Variants in PDE11A observed in about 807,000 individuals in gnomAD.
PDE11A encodes the protein phosphodiesterase 11A, also known as dual 3',5'-cyclic-AMP and -GMP phosphodiesterase 11A.
A neutral mutation model predicts 100.5 loss-of-function variants in PDE11A; 100 were observed. The observed-to-expected ratio is 1.00, with a 90% CI of 0.85 to 1.18. The LOEUF is 1.18. Among genes scored for constraint, PDE11A ranks in the 50% most tolerant of loss-of-function variants. The probability of loss-of-function intolerance (pLI) is 0.00; values close to 1 mark genes in which losing one functional copy is unlikely to be tolerated. For missense variants in PDE11A, 1,141 were observed against 1,152.6 expected, an observed-to-expected ratio of 0.99 and a Z score of 0.15; for synonymous variants, 381 against 420.8, an observed-to-expected ratio of 0.91 and a Z score of 1.16.
At chr2:177,788,297 G>A (rs6709222) in intron 9 of PDE11A, among the ~76,000 whole-genome samples, 82,917 of 131,666 alleles carry the variant, frequency 0.63, 27,777 homozygotes, top group African/African-American at 0.78. Context: ...TACTGGGTAC[G>A]TAATGAAATG....
chr2:177,883,101 T>C (rs2084370875), intron 4 of PDE11A, among the ~76,000 whole-genome samples: 1 of 151,942 alleles, frequency 6.6e-6, no homozygotes, highest in Non-Finnish European at 1.5e-5. Flanking sequence ...AAACCCCGTC[T>C]CTATTAAAAA....
At chr2:177,928,731 C>A (rs990502302) in intron 2 of PDE11A, among the ~76,000 whole-genome samples, 7 of 151,992 alleles carry the variant, frequency 4.6e-5, no homozygotes, top group Non-Finnish European at 5.9e-5. Context: ...GGGGTGGTGG[C>A]ACATGCCTGT....
intron 3 of PDE11A, among the ~76,000 whole-genome samples, chr2:177,899,084 G>A (rs561162903): frequency 1.3e-5 from 2 of 152,136 alleles, no homozygotes; most frequent in Non-Finnish European, 2.9e-5. Context: ...CTTTTCTGTA[G>A]TGATTTTTCT....
intron 4 of PDE11A, among the ~76,000 whole-genome samples, chr2:177,889,031 A>T (rs1462719948): frequency 6.6e-6 from 1 of 152,172 alleles, no homozygotes; most frequent in Admixed American, 6.5e-5. Context: ...TTCCCCACTC[A>T]TCACCTGCTT....
chr2:178,085,413 C>G (rs1276871648), intron 2 of PDE11A, among the ~76,000 whole-genome samples: 2 of 152,026 alleles, frequency 1.3e-5, no homozygotes, highest in Non-Finnish European at 2.9e-5. Flanking sequence ...GTTTTAAAAA[C>G]TACCTATCAG....
chr2:177,790,142 T>C (rs1481941334), intron 9 of PDE11A, among the ~76,000 whole-genome samples: 1 of 150,602 alleles, frequency 6.6e-6, no homozygotes. Context: ...CAAACTATAC[T>C]ACAAGGCTAC....
chr2:177,942,513 C>T (rs1017425440), intron 2 of PDE11A, among the ~76,000 whole-genome samples: 2 of 151,872 alleles, frequency 1.3e-5, no homozygotes, highest in Non-Finnish European at 2.9e-5. Flanking sequence ...AGTGATTCTC[C>T]TGCCTCAGCC....
chr2:177,785,048 G>A (rs1439656083), intron 9 of PDE11A, among the ~76,000 whole-genome samples: 1 of 152,112 alleles, frequency 6.6e-6, no homozygotes, highest in Non-Finnish European at 1.5e-5. Context: ...TGCCAACAAT[G>A]GGGGGCCAGT....
At chr2:177,821,038 T>C (rs1363160598) in intron 6 of PDE11A, among the ~76,000 whole-genome samples, 1 of 151,954 alleles carries the variant, frequency 6.6e-6, no homozygotes, top group Admixed American at 6.6e-5. Context: ...CAATCTATTG[T>C]TCTAATACAA....
At chr2:177,740,619 G>T (rs758808504) in intron 10 of PDE11A, among the ~76,000 whole-genome samples, 1 of 152,156 alleles carries the variant, frequency 6.6e-6, no homozygotes, top group Non-Finnish European at 1.5e-5. Context: ...AATGAATCTA[G>T]CCCTGCCCTC....
chr2:177,939,058 T>G (rs1031381276), intron 2 of PDE11A, among the ~76,000 whole-genome samples: 2 of 152,210 alleles, frequency 1.3e-5, no homozygotes, highest in African/African-American at 4.8e-5. Context: ...GAAATACATT[T>G]CTGTTGTTTA....
chr2:177,988,080 G>T (rs1249424463), intron 2 of PDE11A, among the ~76,000 whole-genome samples: 2 of 152,170 alleles, frequency 1.3e-5, no homozygotes, highest in African/African-American at 4.8e-5. Context: ...AGTTTTGTGA[G>T]AATCTTCACT....
chr2:177,779,355 C>T (rs1233290731), intron 9 of PDE11A, among the ~76,000 whole-genome samples: 1 of 152,136 alleles, frequency 6.6e-6, no homozygotes, highest in African/African-American at 2.4e-5. Flanking sequence ...TAAAATAAGA[C>T]AATGAGGTTT....
Position 177,877,037 on chromosome 2 carries a change from G to A in PDE11A, c.1303-1114C>T, listed in dbSNP as rs116649792. Among the ~76,000 whole-genome samples, 1,232 of 147,706 alleles carry A rather than the reference G, an allele frequency of 8.3e-3. 154 individuals are homozygous for A. The highest frequency in any genetic ancestry group is 0.031 in the African/African-American group (1,193 of 38,602). On this transcript the variant is annotated intron_variant, in intron 4 of 19. Coordinates refer to ENST00000286063, the MANE Select transcript of PDE11A (RefSeq NM_016953.4). The stretch of plus-strand genomic sequence containing the variant: ...ACGGACGGGGGATGTAGGCAATTTT[G>A]AGGGGTAGAAAAAAATTTCAGAGGA...
At chr2:177,902,997 A>C (rs1328313656) in intron 3 of PDE11A, among the ~76,000 whole-genome samples, 1 of 152,212 alleles carries the variant, frequency 6.6e-6, no homozygotes, top group African/African-American at 2.4e-5. Context: ...AGTCAGACTC[A>C]GCTCAAAATC....
intron 1 of PDE11A, among the ~76,000 whole-genome samples, chr2:178,030,858 T>C (rs1455214249): frequency 6.6e-6 from 1 of 151,984 alleles, no homozygotes; most frequent in Admixed American, 6.6e-5. Context: ...CCAGCCTGGG[T>C]GACAAAAAGA....
At chr2:177,863,967 G>C (rs1206724256) in intron 5 of PDE11A, among the ~76,000 whole-genome samples, 1 of 152,028 alleles carries the variant, frequency 6.6e-6, no homozygotes, top group East Asian at 1.9e-4. Context: ...AAGGGATAAA[G>C]ATATTGAATA....
chr2:178,009,409 T>A (rs2086249313), intron 2 of PDE11A, among the ~76,000 whole-genome samples: 1 of 152,244 alleles, frequency 6.6e-6, no homozygotes, highest in Non-Finnish European at 1.5e-5. Flanking sequence ...TAGTAATTTG[T>A]CAGTATGGAA....
intron 19 of PDE11A, among the ~76,000 whole-genome samples, chr2:177,637,997 ATT>A (rs10556235): frequency 0.56 from 59,140 of 106,280 alleles, 18,174 homozygotes; most frequent in Admixed American, 0.66. Flanking sequence ...ATATATATAT[ATT>A]TTTTTTTTTT....
Sources: allele counts gnomAD v4.1 joint callset (sites outside exome capture counted in the v4.1 genomes callset), GRCh38; gene constraint gnomAD v4.1.1; transcripts MANE v1.5; gene names NCBI Gene and HGNC (gene_info 2026-07-23, HGNC 2026-07-21).